ANO3: variants seen among roughly 807,000 people sequenced by gnomAD.
ANO3 encodes anoctamin 3, also known as anoctamin-3.
Under a neutral mutation model 144.8 loss-of-function variants are expected in ANO3, and 99 were observed. The ratio of observed to expected loss-of-function variants is 0.68; its 90% confidence interval spans 0.58 to 0.81. The LOEUF is 0.81. ANO3 is among the 30% of genes least tolerant of loss of function. The pLI, the probability that ANO3 is intolerant of heterozygous loss-of-function variation, is 0.00. For synonymous variants in ANO3, 414 were observed against 392.6 expected (o/e 1.05, Z -0.64); for missense variants, 905 against 1,202.2 (o/e 0.75, Z 3.66).
At chr11:26,360,889 G>T (rs1001864524) in intron 1 of ANO3, among the ~76,000 whole-genome samples, 1 of 152,194 alleles carries the variant, frequency 6.6e-6, no homozygotes, top group African/African-American at 2.4e-5. Flanking sequence ...AAGAATGTTT[G>T]TGACATACCT....
At chr11:26,551,587 T>G (rs1590510696) in intron 12 of ANO3, among the ~76,000 whole-genome samples, 2 of 152,036 alleles carry the variant, frequency 1.3e-5, no homozygotes, top group African/African-American at 4.8e-5. Flanking sequence ...TCTGAGCTTT[T>G]GATTGACTCC....
intron 1 of ANO3, among the ~76,000 whole-genome samples, chr11:26,404,838 C>T (rs565118395): frequency 1.3e-5 from 2 of 151,370 alleles, no homozygotes; most frequent in South Asian, 4.2e-4. Flanking sequence ...AAATCCATGG[C>T]TTGTACAGTG....
At chr11:26,278,601 C>A (rs1016011835) in intron 1 of ANO3, among the ~76,000 whole-genome samples, 4 of 152,038 alleles carry the variant, frequency 2.6e-5, no homozygotes, top group South Asian at 2.1e-4. Context: ...AAATCATGAC[C>A]AATTTGAACC....
intron 1 of ANO3, among the ~76,000 whole-genome samples, chr11:26,370,249 A>G (rs1414817301): frequency 1.3e-5 from 2 of 152,164 alleles, no homozygotes; most frequent in Non-Finnish European, 2.9e-5. Flanking sequence ...ATGGTTTTAT[A>G]TGGGGCTTTC....
intron 5 of ANO3, among the ~76,000 whole-genome samples, chr11:26,514,599 G>C (rs113806193): frequency 4.6e-5 from 7 of 152,176 alleles, no homozygotes; most frequent in African/African-American, 1.7e-4. Context: ...TATAGCATGT[G>C]ATTTCTTCCA....
At chr11:26,352,896 A>C (rs1015941872) in intron 1 of ANO3, among the ~76,000 whole-genome samples, 21 of 152,222 alleles carry the variant, frequency 1.4e-4, no homozygotes, top group Non-Finnish European at 8.8e-5. Flanking sequence ...CAATAAGCTT[A>C]CCATATCAGT....
chr11:26,240,008 A>G (rs1333641741), intron 1 of ANO3, among the ~76,000 whole-genome samples: 1 of 152,190 alleles, frequency 6.6e-6, no homozygotes, highest in Non-Finnish European at 1.5e-5. Context: ...CCTTGTTAAG[A>G]TTGTAAGATG....
intron 1 of ANO3, among the ~76,000 whole-genome samples, chr11:26,191,969 T>C (rs1253260848): frequency 6.6e-6 from 1 of 152,216 alleles, no homozygotes; most frequent in Non-Finnish European, 1.5e-5. Flanking sequence ...TGTTTGTGGC[T>C]TATGCATGAT....
At position 26,660,432 on chromosome 11, in the gene ANO3, T is replaced by C. The variant is rs766643680; in HGVS notation, c.2934T>C (p.His978=). ...QRRKSGQPVH[H]EWP Reference sequence around the variant, plus strand: ...GAAAAAGTGGTCAGCCTGTTCACCATGAATGGCCTTAGTTGACACCTGTTA... The same window carrying C: ...GAAAAAGTGGTCAGCCTGTTCACCACGAATGGCCTTAGTTGACACCTGTTA... The change falls in exon 27 of 27, where the codon CAT becomes CAC. Residue 978 remains histidine (H), a synonymous_variant. Transcript: ENST00000256737. The C allele has an allele frequency of 6.2e-7, 1 of 1,612,258 alleles. No homozygotes were observed. Among genetic ancestry groups the C allele is most frequent in the Non-Finnish European group, 8.5e-7 (1 of 1,179,184 alleles).
In ANO3 at chr11:26,638,545, G is replaced by T. The variant is rs796734646; in HGVS notation, c.2044-599G>T. On this transcript the variant is annotated intron_variant, in intron 20 of 26. Transcript: ENST00000256737. ...AAGAATAAATACCATAGGGTATGTG[G>T]GGTTGGATCCTGGAGCAAAGAGAGG... Among the ~76,000 whole-genome samples the T allele has an allele frequency of 3.9e-5, 6 of 152,308 alleles. 1 individual carries two copies. The highest frequency in any genetic ancestry group is 1.2e-4 in the African/African-American group (5 of 41,576).
At chr11:26,658,703 A>G (rs1162219919) in intron 26 of ANO3, among the ~76,000 whole-genome samples, 2 of 152,166 alleles carry the variant, frequency 1.3e-5, no homozygotes, top group Non-Finnish European at 2.9e-5. Context: ...TTTTATTCCT[A>G]TACCCTTGAG....
exon 1 of ANO3, chr11:26,189,230 T>C (rs2133900959): frequency 1.0e-6 from 1 of 985,328 alleles, no homozygotes; most frequent in African/African-American, 1.7e-5. Context: ...GCTTCAGACA[T>C]GAGCACGCTT....
intron 17 of ANO3, among the ~76,000 whole-genome samples, chr11:26,611,825 C>G (rs1852106812): frequency 6.6e-6 from 1 of 151,210 alleles, no homozygotes; most frequent in South Asian, 2.1e-4. Context: ...ATTGTTATAC[C>G]CTCTTGTTGA....
rs191047186 is a variant in ANO3, at chr11:26,355,200, A to G, written c.46+22879A>G. ...TTTCTTTGCTCCCTGTTTTACTGAG[A>G]CATGTTCTCCAGCAGCTTATTGAAA... is the stretch of plus-strand genomic sequence containing the variant. On this transcript the variant is annotated intron_variant, in intron 1 of 26. Transcript: ENST00000256737. Among the ~76,000 whole-genome samples, 935 of 152,176 alleles carry G rather than the reference A, an allele frequency of 6.1e-3. 5 individuals are homozygous for G. Among genetic ancestry groups the G allele is most frequent in the Non-Finnish European group, 8.7e-3 (590 of 68,012 alleles).
At chr11:26,373,952 A>G (rs575752372) in intron 1 of ANO3, among the ~76,000 whole-genome samples, 175 of 152,284 alleles carry the variant, frequency 1.1e-3, no homozygotes, top group African/African-American at 3.1e-3. Context: ...CTTTGTTTTC[A>G]GGACTTATTG....
intron 3 of ANO3, among the ~76,000 whole-genome samples, chr11:26,456,137 G>T (rs1470531573): frequency 6.6e-6 from 1 of 152,028 alleles, no homozygotes; most frequent in Non-Finnish European, 1.5e-5. Flanking sequence ...GAAAACCTAG[G>T]CATTACCATT....
At chr11:26,396,287 C>T (rs1234406721) in intron 1 of ANO3, among the ~76,000 whole-genome samples, 23 of 152,098 alleles carry the variant, frequency 1.5e-4, no homozygotes, top group Admixed American at 1.5e-3. Context: ...AGTCAGGAAA[C>T]AACAGATGCT....
upstream of ANO3, among the ~76,000 whole-genome samples, chr11:26,329,812 A>T (rs887835696): frequency 2.2e-5 from 3 of 139,454 alleles, no homozygotes; most frequent in African/African-American, 7.9e-5. Context: ...AGGGACTTAA[A>T]TTTTTTTTTT....
chr11:26,390,560 G>A (rs1322371612), intron 1 of ANO3, among the ~76,000 whole-genome samples: 1 of 152,034 alleles, frequency 6.6e-6, no homozygotes, highest in African/African-American at 2.4e-5. Context: ...GAGCATCAGA[G>A]TACCATCCCA....
Sources: gnomAD v4.1 joint callset for allele counts (sites outside exome capture counted in the v4.1 genomes callset) on GRCh38, gnomAD v4.1.1 for gene constraint, MANE v1.5 for transcripts, NCBI Gene and HGNC (gene_info 2026-07-23, HGNC 2026-07-21) for gene names.